RAB33B: variants seen among roughly 807,000 people sequenced by gnomAD.
RAB33B encodes the protein ras-related protein Rab-33B.
A neutral mutation model predicts 15.0 loss-of-function variants in RAB33B; 6 were observed. The ratio of observed to expected loss-of-function variants is 0.40; its 90% confidence interval spans 0.22 to 0.79. The LOEUF is 0.79. Among genes scored for constraint, RAB33B ranks in the 30% least tolerant of loss-of-function variants. RAB33B has a pLI of 0.37. For synonymous variants in RAB33B, 117 were observed against 108.3 expected, an observed-to-expected ratio of 1.08 and a Z score of -0.50; for missense variants, 257 against 296.4, an observed-to-expected ratio of 0.87 and a Z score of 0.98.
intron 1 of RAB33B, among the ~76,000 whole-genome samples, chr4:139,455,171 A>G (rs766413957): frequency 2.6e-5 from 4 of 152,160 alleles, no homozygotes; most frequent in Non-Finnish European, 5.9e-5. Flanking sequence ...AGAAGGTAGT[A>G]TAGGCCCCAG....
chr4:139,461,216 T>C (rs1013913501), intron 1 of RAB33B, among the ~76,000 whole-genome samples: 5 of 152,126 alleles, frequency 3.3e-5, no homozygotes, highest in Non-Finnish European at 7.4e-5. Flanking sequence ...CTCTGATTGG[T>C]CAGACGTAGG....
In RAB33B at chr4:139,473,368, A is replaced by T. The variant is rs1013355220; in HGVS notation, c.*242A>T. ...ATAGGATGAATCTGAACATCTCTCC[A>T]TCTAGAGCCCAATGAAGGAAGCTTC... On this transcript the variant is annotated 3_prime_UTR_variant, in exon 2 of 2. Coordinates refer to ENST00000305626, the MANE Select transcript of RAB33B (RefSeq NM_031296.3). 2 of 483,798 alleles carry T rather than the reference A, an allele frequency of 4.1e-6. No homozygotes were observed. The highest frequency in any genetic ancestry group is 7.3e-6 in the Non-Finnish European group (2 of 274,828). 30.0% of individuals were successfully genotyped at this position (483,798 alleles called of 1,614,324 possible). A position where few individuals can be genotyped will look rare whatever the true frequency, so the allele number is the denominator to read the frequency against.
In RAB33B at chr4:139,454,246, G is replaced by A. The variant is rs370813224; in HGVS notation, c.51G>A (p.Gly17=). ...TCGAGGCAAGCTTTTCGTCCAGCGG[G>A]GCAGTGTCAGGGGCCTCAGGGTTTT... The part of the protein sequence containing the change: ...SSLEASFSSS[G]AVSGASGFLP... The change falls in exon 1 of 2, where the codon GGG becomes GGA. Residue 17 remains glycine, a synonymous_variant. Coordinates refer to ENST00000305626, the MANE Select transcript of RAB33B (RefSeq NM_031296.3). 2 of 1,614,148 alleles carry A rather than the reference G, an allele frequency of 1.2e-6. No individual in the cohort carries two copies. The highest frequency in any genetic ancestry group is 2.2e-5 in the South Asian group (2 of 91,084).
At chr4:139,467,068 A>G (rs1393189630) in intron 1 of RAB33B, among the ~76,000 whole-genome samples, 1 of 146,044 alleles carries the variant, frequency 6.8e-6, no homozygotes, top group East Asian at 2.0e-4. Flanking sequence ...TCCCAGGCTC[A>G]AGTGATTTTC....
intron 1 of RAB33B, among the ~76,000 whole-genome samples, chr4:139,465,106 T>C (rs922703033): frequency 2.0e-5 from 3 of 152,206 alleles, no homozygotes; most frequent in Admixed American, 6.5e-5. Context: ...TGGTATCTCA[T>C]TGTGGTTTTG....
intron 1 of RAB33B, among the ~76,000 whole-genome samples, chr4:139,464,694 C>T (rs1032484378): frequency 1.7e-4 from 26 of 152,020 alleles, no homozygotes; most frequent in African/African-American, 5.6e-4. Context: ...CAGCTTCATC[C>T]GTGTCGATAC....
chr4:139,455,402 A>G (rs1323873098), intron 1 of RAB33B, among the ~76,000 whole-genome samples: 2 of 152,010 alleles, frequency 1.3e-5, no homozygotes, highest in Non-Finnish European at 2.9e-5. Flanking sequence ...CTTGGTGGGG[A>G]TGGGGAGTGG....
chr4:139,441,469 A>AT, the RAB33B span, among the ~76,000 whole-genome samples: 5 of 151,688 alleles, frequency 3.3e-5, no homozygotes, highest in African/African-American at 4.8e-5. Context: ...TATTACACTA[A>AT]TTTTTTTTTA....
At chr4:139,447,658 CTTTTTTTTT>C in the RAB33B span, among the ~76,000 whole-genome samples, 9 of 85,698 alleles carry the variant, frequency 1.1e-4, no homozygotes, top group African/African-American at 3.8e-4. Flanking sequence ...CAGTCTACTA[CTTTTTTTTT>C]TTTTTTTTTT....
At chr4:139,464,557 G>C (rs918717818) in intron 1 of RAB33B, among the ~76,000 whole-genome samples, 4 of 151,968 alleles carry the variant, frequency 2.6e-5, no homozygotes, top group African/African-American at 9.7e-5. Flanking sequence ...CCCCATGACA[G>C]GCCCTGGTGT....
chr4:139,458,364 G>A (rs1361469633), intron 1 of RAB33B, among the ~76,000 whole-genome samples: 1 of 152,068 alleles, frequency 6.6e-6, no homozygotes, highest in African/African-American at 2.4e-5. Flanking sequence ...ACAGGGGTTT[G>A]GTGTACAGAT....
At position 139,473,478 on chromosome 4, in the gene RAB33B, A is replaced by G. The variant is rs1750432038; in HGVS notation, c.*352A>G. 2 of 214,160 alleles carry G rather than the reference A, an allele frequency of 9.3e-6. No individual in the cohort carries two copies. Among genetic ancestry groups the G allele is most frequent in the Non-Finnish European group, 1.9e-5 (2 of 106,686 alleles). 13.3% of individuals were successfully genotyped at this position (214,160 alleles called of 1,614,324 possible). On this transcript the variant is annotated 3_prime_UTR_variant, in exon 2 of 2. Coordinates refer to ENST00000305626, the MANE Select transcript of RAB33B (RefSeq NM_031296.3). ...ATGTTAAAGGTTTAGGACACACCTA[A>G]TAGTATGTCCTTTGAATGGGAAGTG...
intron 1 of RAB33B, among the ~76,000 whole-genome samples, chr4:139,463,332 C>T (rs984362712): frequency 2.0e-5 from 3 of 152,192 alleles, no homozygotes; most frequent in African/African-American, 7.2e-5. Flanking sequence ...GACGGGGTTT[C>T]ACCATGTTGG....
chr4:139,462,982 A>G (rs141153702), intron 1 of RAB33B, among the ~76,000 whole-genome samples: 5 of 152,252 alleles, frequency 3.3e-5, no homozygotes, highest in Non-Finnish European at 5.9e-5. Context: ...CCTGGGTAAC[A>G]TGGAGAAATC....
intron 1 of RAB33B, among the ~76,000 whole-genome samples, 168 bp from the exon 2 acceptor site, chr4:139,472,518 A>G (rs549690475): frequency 6.6e-6 from 1 of 152,382 alleles, no homozygotes; most frequent in African/African-American, 2.4e-5. Context: ...GGTAACTGGT[A>G]TCATGAAGTC....
In RAB33B at chr4:139,463,204, G is replaced by A. The variant is rs76945957; in HGVS notation, c.249+8760G>A. On this transcript the variant is annotated intron_variant, in intron 1 of 1. Coordinates refer to ENST00000305626, the MANE Select transcript of RAB33B (RefSeq NM_031296.3). ...TTCTTTTTGAGATGGAGTCTCTGTC[G>A]CCCAGGTTGGAGTGCAATGGTGCGA... Among the ~76,000 whole-genome samples the A allele has an allele frequency of 8.8e-3, 1,340 of 152,254 alleles. 76 individuals are homozygous for A. The East Asian group carries it at 0.17, about 19-fold the overall frequency.
At chr4:139,458,315 G>A (rs4863499) in intron 1 of RAB33B, among the ~76,000 whole-genome samples, 10,740 of 152,090 alleles carry the variant, frequency 0.071, 1,276 homozygotes, top group African/African-American at 0.25. Flanking sequence ...TTTAGGTTCA[G>A]GGGTACATGT....
At chr4:139,466,002 C>CTGGTAGAGACAAGGTCTCTTT (rs890260822) in intron 1 of RAB33B, among the ~76,000 whole-genome samples, 4 of 151,970 alleles carry the variant, frequency 2.6e-5, no homozygotes, top group African/African-American at 7.3e-5. Flanking sequence ...GTTGCCCAAG[C>CTGGTAGAGACAAGGTCTCTTT]TGGTAGAGAC....
upstream of RAB33B, among the ~76,000 whole-genome samples, chr4:139,448,248 A>G (rs1195517595): frequency 6.6e-6 from 1 of 152,170 alleles, no homozygotes; most frequent in Non-Finnish European, 1.5e-5. Context: ...AAAAACCACG[A>G]CCTGCTGAGG....
Sources: allele counts gnomAD v4.1 joint callset (sites outside exome capture counted in the v4.1 genomes callset), GRCh38; gene constraint gnomAD v4.1.1; transcripts MANE v1.5; gene names NCBI Gene and HGNC (gene_info 2026-07-23, HGNC 2026-07-21).